DNAI3: variants seen among roughly 807,000 people sequenced by gnomAD.
DNAI3 encodes the protein dynein axonemal intermediate chain 3.
DNAI3 carries 83 observed loss-of-function variants against 115.5 expected under a neutral mutation model. The ratio of observed to expected loss-of-function variants is 0.72; its 90% confidence interval spans 0.60 to 0.86. The LOEUF is 0.86. Ranked by LOEUF, DNAI3 falls within the 40% of genes least tolerant of loss-of-function variation. DNAI3 has a pLI of 0.00. For synonymous variants in DNAI3, 320 were observed against 347.0 expected (o/e 0.92, Z 0.86); for missense variants, 1,004 against 1,075.8 (o/e 0.93, Z 0.93).
chr1:85,128,681 T>C, intron 20 of DNAI3, 27 bp from the exon 21 acceptor site: 1 of 1,575,966 alleles, frequency 6.3e-7, no homozygotes, highest in Non-Finnish European at 8.7e-7. Context: ...GCTGATTTTT[T>C]CCTCCCATTT....
intron 14 of DNAI3, 79 bp from the exon 15 acceptor site, chr1:85,107,954 A>G: frequency 9.6e-7 from 1 of 1,040,926 alleles, no homozygotes; most frequent in Non-Finnish European, 1.3e-6. Context: ...CAATGCTAAT[A>G]TGTAGCAGCA....
intron 16 of DNAI3, among the ~76,000 whole-genome samples, chr1:85,116,594 G>T (rs763823603): frequency 1.3e-5 from 2 of 152,176 alleles, no homozygotes; most frequent in Admixed American, 1.3e-4. Context: ...TGTGAGTGAA[G>T]AATTTGAAAT....
chr1:85,108,091 A>G lies in DNAI3; in HGVS notation c.1612A>G (p.Lys538Glu). The change falls in exon 15 of 23, where the codon AAA (lysine) becomes GAA (glutamate). Residue 538 changes from lysine to glutamate, a missense_variant. Lys to Glu is a moderately conservative substitution (Grantham distance 56). Coordinates refer to ENST00000294664, the MANE Select transcript of DNAI3 (RefSeq NM_145172.5). ...ACCTTTAACCCCCCAAACAACAGAG[A>G]AAAAGAAGGAGGAAAGTATTGAAAT... is the stretch of plus-strand genomic sequence containing the variant. ...QKPLTPQTTE[K>E]KKEESIEIPF... 1.2e-6 allele frequency: 2 copies of G among 1,610,312 alleles called. No individual in the cohort carries two copies. The highest frequency in any genetic ancestry group is 1.7e-6 in the Non-Finnish European group (2 of 1,178,392).
At chr1:85,123,454 G>A (rs367615259) in intron 18 of DNAI3, among the ~76,000 whole-genome samples, 1 of 152,256 alleles carries the variant, frequency 6.6e-6, no homozygotes, top group South Asian at 2.1e-4. Flanking sequence ...GCTGTCGGGG[G>A]TGCCTTCCTC....
intron 13 of DNAI3, 144 bp downstream of exon 13, chr1:85,098,802 G>A: frequency 8.3e-7 from 1 of 1,202,570 alleles, no homozygotes; most frequent in Non-Finnish European, 1.2e-6. Flanking sequence ...TGGGGTTACT[G>A]TTGCCAGACC....
Position 85,132,937 on chromosome 1 carries a change from T to C in DNAI3, c.2615T>C (p.Val872Ala). The C allele has an allele frequency of 6.2e-7, 1 of 1,614,016 alleles. No individual in the cohort carries two copies. ...AGTTATCTGGAACTGGAAAAGACTG[T>C]TCTTATCAACCTTGGCCTAATCAAA... The part of the protein sequence containing the change: ...YESYLELEKT[V>A]LINLGLIKVT... The change falls in exon 23 of 23, where the codon GTT (valine) becomes GCT (alanine). Residue 872 changes from valine (V) to alanine (A), a missense_variant. By Grantham distance (64) the Val-to-Ala change is moderately conservative. Around this residue, in one of 3 missense-constraint regions of DNAI3, gnomAD observed 429 missense variants for 454.3 expected, o/e 0.94. Transcript: ENST00000294664.
chr1:85,100,621 G>A (rs1365260069), intron 13 of DNAI3, among the ~76,000 whole-genome samples: 2 of 152,098 alleles, frequency 1.3e-5, no homozygotes, highest in Non-Finnish European at 2.9e-5. Flanking sequence ...TCCCATTACT[G>A]GGTATATACC....
At chr1:85,124,335 A>G in intron 19 of DNAI3, 84 bp downstream of exon 19, 2 of 1,597,706 alleles carry the variant, frequency 1.3e-6, no homozygotes, top group South Asian at 1.1e-5. Context: ...TTCTGACATA[A>G]TAGTGCCTTT....
chr1:85,087,344 G>A (rs1410680034), intron 7 of DNAI3, among the ~76,000 whole-genome samples: 2 of 142,974 alleles, frequency 1.4e-5, no homozygotes, highest in African/African-American at 5.1e-5. Flanking sequence ...GCTGAGACAG[G>A]AGAATTGCTT....
In DNAI3 at chr1:85,108,009, A is replaced by G. The variant is rs1227509140; in HGVS notation, c.1554-24A>G. 2.1e-6 allele frequency: 3 copies of G among 1,435,736 alleles called. No homozygotes were observed. The South Asian group carries it at 4.3e-5, about 21-fold the overall frequency. The allele number at this position is 1,435,736 out of a possible 1,614,324, so 88.9% of individuals were successfully genotyped here. A position where few individuals can be genotyped will look rare whatever the true frequency, so the allele number is the denominator to read the frequency against. ...TGCACCTCTTGTTTGTACTTAATAAAAAATATATATAAATTTTTTTTAGCA... is the reference window on the plus strand; with the variant it reads ...TGCACCTCTTGTTTGTACTTAATAAGAAATATATATAAATTTTTTTTAGCA... On this transcript the variant is annotated intron_variant, in intron 14 of 22. Transcript: ENST00000294664.
At chr1:85,074,742 G>T (rs527639135) in intron 3 of DNAI3, among the ~76,000 whole-genome samples, 1 of 152,310 alleles carries the variant, frequency 6.6e-6, no homozygotes, top group South Asian at 2.1e-4. Context: ...GGGAAACACA[G>T]GGTTAGGTTC....
chr1:85,084,500 C>G, intron 5 of DNAI3, 46 bp from the exon 6 acceptor site: 5 of 1,273,594 alleles, frequency 3.9e-6, no homozygotes, highest in Non-Finnish European at 5.0e-6. Context: ...AAAGCTATAA[C>G]CTAAACTTGG....
At chr1:85,065,422 G>C (rs879626591) in intron 1 of DNAI3, among the ~76,000 whole-genome samples, 1 of 152,254 alleles carries the variant, frequency 6.6e-6, no homozygotes, top group East Asian at 1.9e-4. Context: ...GGAGATAAAA[G>C]GACACAAACG....
At chr1:85,102,106 TTAGA>T (rs1655344530) in intron 13 of DNAI3, among the ~76,000 whole-genome samples, 1 of 152,050 alleles carries the variant, frequency 6.6e-6, no homozygotes, top group Non-Finnish European at 1.5e-5. Context: ...AAATATACAG[TTAGA>T]TAGAAGAAAT....
intron 19 of DNAI3, 77 bp from the exon 20 acceptor site, chr1:85,126,434 T>C: frequency 6.9e-7 from 1 of 1,449,684 alleles, no homozygotes; most frequent in African/African-American, 1.4e-5. Flanking sequence ...GAGTTGTACT[T>C]AATGAACAGC....
In DNAI3 at chr1:85,097,626, G is replaced by A. The variant is rs758045241; in HGVS notation, c.1321G>A (p.Gly441Ser). 1.2e-6 allele frequency: 2 copies of A among 1,612,468 alleles called. No homozygotes were observed. The highest frequency in any genetic ancestry group is 1.7e-5 in the Admixed American group (1 of 59,830). The change falls in exon 12 of 23, where the codon GGT becomes AGT. Residue 441 changes from glycine to serine, a missense_variant. This residue lies in a region of DNAI3 where 550 missense variants were observed against 568.1 expected (regional missense o/e 0.97). Transcript: ENST00000294664. Reference sequence around the variant, plus strand: ...TCGCATAGAAAACATTAAGGCAGGTGGTAGTAGAAGTAAAAGAGCCACACT... The same window carrying A: ...TCGCATAGAAAACATTAAGGCAGGTAGTAGTAGAAGTAAAAGAGCCACACT... ...ADRIENIKAG[G>S]SRSKRATLKP... is the part of the protein sequence containing the mutation.
At chr1:85,099,185 C>T in intron 13 of DNAI3, 2 of 924,708 alleles carry the variant, frequency 2.2e-6, no homozygotes, top group Non-Finnish European at 2.6e-6. Flanking sequence ...ACTATAACCT[C>T]ACAAAGCATG....
intron 5 of DNAI3, among the ~76,000 whole-genome samples, 184 bp downstream of exon 5, chr1:85,082,588 G>A (rs145125166): frequency 1.2e-3 from 178 of 152,204 alleles, no homozygotes; most frequent in African/African-American, 4.1e-3. Flanking sequence ...GAGACTACAG[G>A]CGTGCACCAC....
Position 85,085,997 on chromosome 1 carries a change from C to T in DNAI3, c.707C>T (p.Pro236Leu). 7.4e-6 allele frequency: 12 copies of T among 1,613,990 alleles called. No homozygotes were observed. Among genetic ancestry groups the T allele is most frequent in the Non-Finnish European group, 9.3e-6 (11 of 1,179,996 alleles). ...LEKDVGMQVI[P>L]QIKDISTQTK... ...AAAGATGTTGGCATGCAAGTAATCC[C>T]CCAAATAAAGGACATAAGCACTCAG... is the stretch of plus-strand genomic sequence containing the variant. Residue 236 changes from proline (P) to leucine (L), a missense_variant, in exon 7 of 23, where the codon CCC (proline) becomes CTC (leucine). By Grantham distance (98) the Pro-to-Leu change is moderately conservative (BLOSUM62 -3). Transcript: ENST00000294664.
Sources: allele counts gnomAD v4.1 joint callset (sites outside exome capture counted in the v4.1 genomes callset), GRCh38; gene constraint gnomAD v4.1.1; regional missense constraint gnomAD v4.1.1; transcripts MANE v1.5; gene names NCBI Gene and HGNC (gene_info 2026-07-23, HGNC 2026-07-21).